Variants in FGF12 observed in about 807,000 individuals in gnomAD.
The protein encoded by FGF12 is fibroblast growth factor 12B.
FGF12 carries 14 observed loss-of-function variants against 23.6 expected under a neutral mutation model. The ratio of observed to expected loss-of-function variants is 0.59; its 90% confidence interval spans 0.39 to 0.93. FGF12 has a LOEUF of 0.93. Ranked by LOEUF, FGF12 falls within the 40% of genes least tolerant of loss-of-function variation. The pLI, the probability that FGF12 is intolerant of heterozygous loss-of-function variation, is 0.00. For missense variants in FGF12, 175 were observed against 217.8 expected (o/e 0.80, Z 1.24); for synonymous variants, 62 against 77.3 (o/e 0.80, Z 1.04).
chr3:192,159,868 A>G (rs79642199), intron 5 of FGF12, among the ~76,000 whole-genome samples: 2,116 of 152,254 alleles, frequency 0.014, 45 homozygotes, highest in African/African-American at 0.047. Flanking sequence ...CAAAGTCCCA[A>G]AATGTCAGTA....
At chr3:192,567,470 G>A (rs1712350762) in intron 2 of FGF12, among the ~76,000 whole-genome samples, 1 of 152,086 alleles carries the variant, frequency 6.6e-6, no homozygotes, top group Admixed American at 6.5e-5. Flanking sequence ...ATGCCTGGGG[G>A]GAAAAGCATG....
At chr3:192,258,074 TTTTG>T (rs1205333376) in intron 4 of FGF12, among the ~76,000 whole-genome samples, 5 of 151,722 alleles carry the variant, frequency 3.3e-5, no homozygotes, top group South Asian at 2.1e-4. Flanking sequence ...TAAAGGTTGT[TTTTG>T]TTTGTTTGTT....
intron 4 of FGF12, among the ~76,000 whole-genome samples, chr3:192,236,229 G>A (rs555058642): frequency 1.7e-5 from 1 of 59,646 alleles, no homozygotes; most frequent in East Asian, 4.7e-4. Flanking sequence ...AGTGTAGCTT[G>A]TATGATGTCA....
intron 4 of FGF12, among the ~76,000 whole-genome samples, chr3:192,258,226 G>A (rs1712528527): frequency 6.6e-6 from 1 of 152,152 alleles, no homozygotes; most frequent in Non-Finnish European, 1.5e-5. Flanking sequence ...GGGAGGCCAA[G>A]GTGGATGGAT....
At chr3:192,396,201 A>G (rs974960254) in intron 2 of FGF12, among the ~76,000 whole-genome samples, 2 of 152,250 alleles carry the variant, frequency 1.3e-5, no homozygotes, top group Non-Finnish European at 2.9e-5. Flanking sequence ...GCAAAACTAT[A>G]ACTTGGAACA....
chr3:192,461,095 C>A (rs1722849657), intron 2 of FGF12, among the ~76,000 whole-genome samples: 1 of 152,094 alleles, frequency 6.6e-6, no homozygotes, highest in African/African-American at 2.4e-5. Flanking sequence ...ATACAGGACA[C>A]ATTTTTTCAC....
rs200838000 is a variant in FGF12 at position 192,539,304 on chromosome 3, GTA to G, written c.14-178768_14-178767del. On this transcript the variant is annotated intron_variant, in intron 2 of 5. Transcript: ENST00000445105. ...CATATATGGGTTTTATTGTGTTGAT[GTA>G]TGTTTCTTCTATACCCAGATTTTTT... Among the ~76,000 whole-genome samples, 36 of 152,210 alleles carry G rather than the reference GTA, an allele frequency of 2.4e-4. No homozygotes were observed. In the East Asian group the frequency reaches 5.8e-3, roughly 24 times the overall value.
At chr3:192,219,852 T>C (rs559641728) in intron 4 of FGF12, among the ~76,000 whole-genome samples, 35 of 152,200 alleles carry the variant, frequency 2.3e-4, no homozygotes, top group Non-Finnish European at 5.1e-4. Flanking sequence ...GTTAACTGAC[T>C]TACCTATAGC....
intron 2 of FGF12, among the ~76,000 whole-genome samples, chr3:192,582,317 A>G (rs1163815450): frequency 1.3e-5 from 2 of 152,246 alleles, no homozygotes; most frequent in East Asian, 1.9e-4. Flanking sequence ...TACTATAAAT[A>G]TAAATGGGAG....
chr3:192,440,242 T>C (rs1442999932), intron 2 of FGF12, among the ~76,000 whole-genome samples: 2 of 152,170 alleles, frequency 1.3e-5, no homozygotes, highest in African/African-American at 2.4e-5. Flanking sequence ...GGAAATCTAT[T>C]GAATGGTTTT....
At position 192,727,468 on chromosome 3, in the gene FGF12, T is replaced by A; in HGVS notation, c.-131+16A>T. ...ATGCACAGTGCCCGCTCAGATTTTT[T>A]TTTTTTTTTTTTTACCTGGGTCTGG... On this transcript the variant is annotated intron_variant, in intron 1 of 5. Transcript: ENST00000445105. The A allele has an allele frequency of 1.2e-6, 1 of 826,872 alleles. No individual in the cohort carries two copies. The highest frequency in any genetic ancestry group is 1.8e-6 in the Non-Finnish European group (1 of 555,880). The allele number at this position is 826,872 out of a possible 1,614,324, so 51.2% of individuals were successfully genotyped here. A position where few individuals can be genotyped will look rare whatever the true frequency, so the allele number is the denominator to read the frequency against.
chr3:192,594,367 C>A (rs752867652), intron 2 of FGF12, among the ~76,000 whole-genome samples: 7 of 151,816 alleles, frequency 4.6e-5, no homozygotes, highest in Non-Finnish European at 8.8e-5. Context: ...AAATCTTGAT[C>A]TCCATTTTCC....
chr3:192,499,508 ATATATATATTTTTTT>A (rs1724060521), intron 2 of FGF12, among the ~76,000 whole-genome samples: 2 of 34,152 alleles, frequency 5.9e-5, no homozygotes, highest in African/African-American at 2.7e-4. Flanking sequence ...ATATATATAT[ATATATATATTTTTTT>A]TTTTTTTTTT....
chr3:192,711,009 A>G (rs898789748), intron 2 of FGF12, among the ~76,000 whole-genome samples: 3 of 152,148 alleles, frequency 2.0e-5, no homozygotes, highest in Non-Finnish European at 4.4e-5. Context: ...TCACTCTACA[A>G]CTAAGATCAT....
chr3:192,503,488 C>G (rs944877912), intron 2 of FGF12, among the ~76,000 whole-genome samples: 2 of 151,840 alleles, frequency 1.3e-5, no homozygotes, highest in African/African-American at 2.4e-5. Flanking sequence ...TGCCCAATAC[C>G]ATTTTACATT....
intron 2 of FGF12, among the ~76,000 whole-genome samples, chr3:192,457,896 G>A (rs1722729542): frequency 6.6e-6 from 1 of 152,168 alleles, no homozygotes; most frequent in African/African-American, 2.4e-5. Flanking sequence ...TGGTTTTGTG[G>A]GCTGGGCCCA....
At chr3:192,455,818 A>G (rs1334699979) in intron 2 of FGF12, among the ~76,000 whole-genome samples, 1 of 152,208 alleles carries the variant, frequency 6.6e-6, no homozygotes, top group Non-Finnish European at 1.5e-5. Flanking sequence ...CAGAATAACC[A>G]CACGCCTCCA....
At chr3:192,582,140 G>A (rs189613388) in intron 2 of FGF12, among the ~76,000 whole-genome samples, 149 of 151,398 alleles carry the variant, frequency 9.8e-4, no homozygotes, top group Middle Eastern at 3.5e-3. Flanking sequence ...TTTTATTTCA[G>A]AATTACTAAA....
chr3:192,226,228 C>T (rs971560907), intron 4 of FGF12, among the ~76,000 whole-genome samples: 5 of 152,102 alleles, frequency 3.3e-5, no homozygotes, highest in African/African-American at 1.2e-4. Flanking sequence ...TGCTTTTTTC[C>T]CCATGGCTTA....
Sources: gnomAD v4.1 joint callset for allele counts (sites outside exome capture counted in the v4.1 genomes callset) on GRCh38, gnomAD v4.1.1 for gene constraint, MANE v1.5 for transcripts, NCBI Gene and HGNC (gene_info 2026-07-23, HGNC 2026-07-21) for gene names.